Variants in GBE1 observed in about 807,000 individuals in gnomAD.
GBE1 encodes the protein 1,4-alpha-glucan branching enzyme 1, also known as 1,4-alpha-glucan-branching enzyme.
In GBE1, 70 loss-of-function variants were observed where a neutral mutation model predicts 88.8. That is an observed-to-expected ratio of 0.79 (90% CI 0.65 to 0.96). The LOEUF (loss-of-function observed/expected upper bound fraction) is 0.96, where lower values mean the gene tolerates loss of function less well. Ranked by LOEUF, GBE1 falls within the 40% of genes least tolerant of loss-of-function variation. The probability of loss-of-function intolerance (pLI) is 0.00; values close to 1 mark genes in which losing one functional copy is unlikely to be tolerated. For missense variants in GBE1, 872 were observed against 871.0 expected (o/e 1.00, Z -0.01); for synonymous variants, 284 against 300.1 (o/e 0.95, Z 0.56).
At chr3:81,706,704 T>C (rs1049063642) in intron 1 of GBE1, among the ~76,000 whole-genome samples, 1 of 152,092 alleles carries the variant, frequency 6.6e-6, no homozygotes. Flanking sequence ...AAAATGGACC[T>C]TTTTACAAAT....
intron 7 of GBE1, among the ~76,000 whole-genome samples, chr3:81,617,446 G>T (rs1704263729): frequency 1.3e-5 from 2 of 151,792 alleles, no homozygotes; most frequent in Non-Finnish European, 2.9e-5. Flanking sequence ...TTTCAAATGG[G>T]TGTTTAATTT....
chr3:81,691,003 C>T (rs905676972), intron 2 of GBE1, among the ~76,000 whole-genome samples: 3 of 151,760 alleles, frequency 2.0e-5, no homozygotes, highest in South Asian at 2.1e-4. Flanking sequence ...TTCATTTTAT[C>T]GTACTTCCTG....
At chr3:81,637,257 T>C (rs182357998) in intron 7 of GBE1, among the ~76,000 whole-genome samples, 2 of 152,274 alleles carry the variant, frequency 1.3e-5, no homozygotes, top group Non-Finnish European at 1.5e-5. Context: ...GTGAGGTGAA[T>C]GACCTCATTG....
intron 1 of GBE1, among the ~76,000 whole-genome samples, chr3:81,740,062 A>C (rs1387578401): frequency 6.6e-6 from 1 of 151,984 alleles, no homozygotes; most frequent in African/African-American, 2.4e-5. Context: ...CCATCTCTAC[A>C]AAAAATTTAA....
chr3:81,554,143 T>C (rs1703315834), intron 12 of GBE1, among the ~76,000 whole-genome samples: 1 of 152,144 alleles, frequency 6.6e-6, no homozygotes, highest in South Asian at 2.1e-4. Context: ...AGACTCAAAA[T>C]ACTCTATTGG....
chr3:81,728,841 A>G (rs1193125214), intron 1 of GBE1, among the ~76,000 whole-genome samples: 1 of 152,102 alleles, frequency 6.6e-6, no homozygotes, highest in Non-Finnish European at 1.5e-5. Flanking sequence ...AATGTTTCTC[A>G]TTAAAATTCT....
intron 1 of GBE1, among the ~76,000 whole-genome samples, chr3:81,708,459 G>C (rs1331235287): frequency 6.6e-6 from 1 of 152,026 alleles, no homozygotes; most frequent in Non-Finnish European, 1.5e-5. Flanking sequence ...CTAAAGAAGT[G>C]CAAACCTAAA....
chr3:81,529,799 G>A (rs1301886395), intron 14 of GBE1, among the ~76,000 whole-genome samples: 1 of 151,852 alleles, frequency 6.6e-6, no homozygotes, highest in Non-Finnish European at 1.5e-5. Context: ...AGTATTATTT[G>A]GGTAAAATCT....
At chr3:81,744,086 C>A (rs1706389488) in intron 1 of GBE1, among the ~76,000 whole-genome samples, 1 of 152,088 alleles carries the variant, frequency 6.6e-6, no homozygotes, top group African/African-American at 2.4e-5. Flanking sequence ...CCTTGAATCT[C>A]TTTGTGGAGT....
chr3:81,613,838 CTT>C (rs564281548), intron 7 of GBE1, among the ~76,000 whole-genome samples: 543 of 151,012 alleles, frequency 3.6e-3, no homozygotes, highest in South Asian at 7.5e-3. Flanking sequence ...TAAATTTTCT[CTT>C]TGTTTCACTG....
chr3:81,689,639 C>T (rs1705489890), intron 2 of GBE1, among the ~76,000 whole-genome samples: 1 of 152,178 alleles, frequency 6.6e-6, no homozygotes. Context: ...ATCTCACACA[C>T]AGCCTCCCAT....
chr3:81,663,846 C>G (rs13433893), intron 3 of GBE1, among the ~76,000 whole-genome samples: 4 of 152,030 alleles, frequency 2.6e-5, no homozygotes, highest in Non-Finnish European at 4.4e-5. Context: ...GTGAGCCACA[C>G]CCCCATCGCG....
At chr3:81,558,219 T>C (rs1284720539) in intron 12 of GBE1, among the ~76,000 whole-genome samples, 1 of 152,024 alleles carries the variant, frequency 6.6e-6, no homozygotes, top group East Asian at 1.9e-4. Context: ...CTAGTTCTTT[T>C]ATTATAATTA....
At chr3:81,654,202 T>C (rs182937811) in intron 3 of GBE1, among the ~76,000 whole-genome samples, 4,293 of 152,138 alleles carry the variant, frequency 0.028, 221 homozygotes, top group African/African-American at 0.094. Flanking sequence ...TAAAAGAAAC[T>C]TCTAACTGTG....
intron 7 of GBE1, among the ~76,000 whole-genome samples, chr3:81,625,447 G>GTT (rs1201685941): frequency 6.8e-6 from 1 of 147,236 alleles, no homozygotes; most frequent in Non-Finnish European, 1.5e-5. Flanking sequence ...ATCCTGGACT[G>GTT]TTTTTTTTTT....
chr3:81,547,666 TC>T (rs1703225731), intron 12 of GBE1, among the ~76,000 whole-genome samples: 1 of 144,742 alleles, frequency 6.9e-6, no homozygotes, highest in Non-Finnish European at 1.5e-5. Context: ...TCTCTCTCTC[TC>T]TTTCTCCCTC....
chr3:81,492,685 T>A (rs1427585369), intron 15 of GBE1, among the ~76,000 whole-genome samples: 1 of 143,596 alleles, frequency 7.0e-6, no homozygotes, highest in East Asian at 2.4e-4. Context: ...CCATTCTCCC[T>A]TTCTCCCTTT....
intron 15 of GBE1, among the ~76,000 whole-genome samples, chr3:81,496,022 T>TCATTC (rs1702496637): frequency 1.3e-5 from 2 of 152,248 alleles, no homozygotes; most frequent in South Asian, 4.1e-4. Context: ...ATCTCTCATT[T>TCATTC]GTGCTATGGA....
chr3:81,604,278 C>A lies in GBE1; in HGVS notation c.993-10255G>T, dbSNP rs1053119829. Among the ~76,000 whole-genome samples the A allele has an allele frequency of 5.4e-4, 74 of 138,186 alleles. No individual in the cohort carries two copies. The East Asian group carries it at 0.013, about 24-fold the overall frequency. The allele number at this position is 138,186 out of a possible 152,430, so 90.7% of individuals were successfully genotyped here. A position where few individuals can be genotyped will look rare whatever the true frequency, so the allele number is the denominator to read the frequency against. ...CACATAAAATATTAACTTTTCTTTT[C>A]TTTCTTTCTTTTTTTTTTTTTTTTT... On this transcript the variant is annotated intron_variant, in intron 7 of 15. Coordinates refer to ENST00000429644, the MANE Select transcript of GBE1 (RefSeq NM_000158.4).
Sources: allele counts gnomAD v4.1 joint callset (sites outside exome capture counted in the v4.1 genomes callset), GRCh38; gene constraint gnomAD v4.1.1; transcripts MANE v1.5; gene names NCBI Gene and HGNC (gene_info 2026-07-23, HGNC 2026-07-21).